NINL: variants seen among roughly 807,000 people sequenced by gnomAD.
NINL encodes the protein ninein like, also known as ninein-like protein.
A neutral mutation model predicts 160.3 loss-of-function variants in NINL; 153 were observed. The ratio of observed to expected loss-of-function variants is 0.95; its 90% CI spans 0.84 to 1.09. The LOEUF (loss-of-function observed/expected upper bound fraction) is 1.09. NINL is among the 50% of genes least tolerant of loss of function. The pLI, the probability that NINL is intolerant of heterozygous loss-of-function variation, is 0.00. For synonymous variants in NINL, 800 were observed against 734.8 expected, an observed-to-expected ratio of 1.09 and a Z score of -1.43; for missense variants, 1,829 against 1,764.0, an observed-to-expected ratio of 1.04 and a Z score of -0.66.
At chr20:25,473,708 A>ACG (rs1378738287) in intron 17 of NINL, among the ~76,000 whole-genome samples, 2 of 113,258 alleles carry the variant, frequency 1.8e-5, no homozygotes, top group Admixed American at 8.5e-5. Flanking sequence ...ACACACACAC[A>ACG]CACACACACA....
Position 25,476,837 on chromosome 20 carries a change from G to C in NINL, c.2454C>G (p.Asp818Glu). 6.2e-7 allele frequency: 1 copy of C among 1,613,300 alleles called. No individual in the cohort carries two copies. The highest frequency in any genetic ancestry group is 1.3e-5 in the African/African-American group (1 of 75,038). Reference sequence around the variant, plus strand: ...GCATCTCTGCTTCCAGGGAGGGCCCGTCCACTCGCTTCCCGCGGGCAAGCT... The same window carrying C: ...GCATCTCTGCTTCCAGGGAGGGCCCCTCCACTCGCTTCCCGCGGGCAAGCT... ...ELELARGKRV[D>E]GPSLEAEMQA... Residue 818 changes from aspartate to glutamate, a missense_variant, in exon 17 of 24, where the codon GAC (aspartate) becomes GAG (glutamate). By Grantham distance (45) the Asp-to-Glu change is conservative (BLOSUM62 2). Coordinates refer to ENST00000278886, the MANE Select transcript of NINL (RefSeq NM_025176.6).
chr20:25,571,439 C>T (rs1194940854), intron 1 of NINL, among the ~76,000 whole-genome samples: 1 of 152,188 alleles, frequency 6.6e-6, no homozygotes, highest in Non-Finnish European at 1.5e-5. Context: ...GATAAGAGAA[C>T]TCAGTGCACA....
chr20:25,567,679 G>C (rs570614433), intron 1 of NINL, among the ~76,000 whole-genome samples: 1 of 151,838 alleles, frequency 6.6e-6, no homozygotes, highest in Non-Finnish European at 1.5e-5. Flanking sequence ...CTATATTTTG[G>C]GCCATAAAAC....
chr20:25,554,856 C>T (rs928828332), intron 1 of NINL, among the ~76,000 whole-genome samples: 2 of 152,096 alleles, frequency 1.3e-5, no homozygotes, highest in African/African-American at 4.8e-5. Flanking sequence ...ACTGCAGCAT[C>T]AGGGACCCTG....
At chr20:25,582,187 G>A (rs1245805820) in intron 1 of NINL, among the ~76,000 whole-genome samples, 1 of 152,192 alleles carries the variant, frequency 6.6e-6, no homozygotes, top group Non-Finnish European at 1.5e-5. Flanking sequence ...CCTGGGAGGT[G>A]GAGGTAGCAG....
At chr20:25,576,557 C>G (rs1413921114) in intron 1 of NINL, among the ~76,000 whole-genome samples, 1 of 152,188 alleles carries the variant, frequency 6.6e-6, no homozygotes. Context: ...TTCCCGTGCT[C>G]AAGTGATCCT....
intron 15 of NINL, 72 bp downstream of exon 15, chr20:25,480,089 C>T (rs34345105): frequency 0.037 from 39,682 of 1,061,582 alleles, 940 homozygotes; most frequent in South Asian, 0.061. Context: ...GAAATGTCAG[C>T]GTGCCCAAGT....
chr20:25,489,797 C>G, intron 12 of NINL, 78 bp downstream of exon 12: 2 of 1,198,482 alleles, frequency 1.7e-6, no homozygotes. Flanking sequence ...CCGCATCTCT[C>G]CCTGGCCACC....
chr20:25,454,481 C>T (rs1306289140), intron 23 of NINL, among the ~76,000 whole-genome samples: 4 of 151,934 alleles, frequency 2.6e-5, no homozygotes. Flanking sequence ...GTGAGAGGGA[C>T]CGGGGGCACC....
intron 2 of NINL, among the ~76,000 whole-genome samples, chr20:25,523,602 T>TA (rs2064301098): frequency 6.6e-6 from 1 of 151,926 alleles, no homozygotes; most frequent in Admixed American, 6.6e-5. Context: ...TATAATATCA[T>TA]ATATGATAGT....
At chr20:25,559,227 G>T (rs1029311191) in intron 1 of NINL, among the ~76,000 whole-genome samples, 5 of 152,090 alleles carry the variant, frequency 3.3e-5, no homozygotes, top group Admixed American at 1.3e-4. Context: ...GCTCAGCTCG[G>T]GGAGCAGAGG....
chr20:25,564,462 C>T (rs769257059), intron 1 of NINL, among the ~76,000 whole-genome samples: 70 of 152,246 alleles, frequency 4.6e-4, no homozygotes, highest in Non-Finnish European at 9.4e-4. Flanking sequence ...AGATCACAGG[C>T]GCATGCCACC....
At chr20:25,577,205 G>A (rs1364735173) in intron 1 of NINL, among the ~76,000 whole-genome samples, 1 of 152,234 alleles carries the variant, frequency 6.6e-6, no homozygotes, top group African/African-American at 2.4e-5. Flanking sequence ...CCGGGCTGCA[G>A]CCCGCCCTCT....
chr20:25,476,704 G>C lies in NINL; in HGVS notation c.2587C>G (p.Pro863Ala). ...TCCTCAGACTCTCTGCCATCACCTGGGGCCAGCCAGGCCAGTGGCCGCTCC... is the reference window on the plus strand; with the variant it reads ...TCCTCAGACTCTCTGCCATCACCTGCGGCCAGCCAGGCCAGTGGCCGCTCC... ...CGERPLAWLA[P>A]GDGRESEEAA... The change falls in exon 17 of 24, where the codon CCA becomes GCA. Residue 863 changes from proline (P) to alanine (A), a missense_variant. By Grantham distance (27) the Pro-to-Ala change is conservative. Transcript: ENST00000278886. 6.3e-7 allele frequency: 1 copy of C among 1,597,458 alleles called. No individual in the cohort carries two copies. The highest frequency in any genetic ancestry group is 1.1e-5 in the South Asian group (1 of 90,010).
intron 1 of NINL, among the ~76,000 whole-genome samples, chr20:25,546,243 C>A (rs148547608): frequency 2.6e-5 from 4 of 152,282 alleles, no homozygotes; most frequent in African/African-American, 7.2e-5. Context: ...ACAGCATACA[C>A]TTGAGTTTTT....
chr20:25,538,233 T>A (rs1164695397), intron 1 of NINL, among the ~76,000 whole-genome samples: 5 of 152,000 alleles, frequency 3.3e-5, no homozygotes, highest in Non-Finnish European at 1.5e-5. Context: ...TGAGGGGAGC[T>A]CTGTTTCTGT....
chr20:25,492,994 A>G (rs1196354047), intron 10 of NINL, among the ~76,000 whole-genome samples: 1 of 152,126 alleles, frequency 6.6e-6, no homozygotes, highest in Non-Finnish European at 1.5e-5. Flanking sequence ...GACAAAACCC[A>G]AGCTCTCAGG....
chr20:25,461,091 C>T (rs1159947924), intron 21 of NINL, among the ~76,000 whole-genome samples: 3 of 152,188 alleles, frequency 2.0e-5, no homozygotes, highest in East Asian at 1.9e-4. Context: ...GCACCTCCCG[C>T]GCCTCTCACC....
intron 2 of NINL, among the ~76,000 whole-genome samples, chr20:25,524,820 T>C (rs989365524): frequency 6.6e-6 from 1 of 151,984 alleles, no homozygotes; most frequent in African/African-American, 2.4e-5. Flanking sequence ...AGTTACTCTT[T>C]TGGTTTTGAA....
Sources: allele counts gnomAD v4.1 joint callset (sites outside exome capture counted in the v4.1 genomes callset), GRCh38; gene constraint gnomAD v4.1.1; transcripts MANE v1.5; gene names NCBI Gene and HGNC (gene_info 2026-07-23, HGNC 2026-07-21).